SDHAF3: variants seen among roughly 807,000 people sequenced by gnomAD.
SDHAF3 encodes the protein succinate dehydrogenase assembly factor 3, mitochondrial.
Under a neutral mutation model 11.5 loss-of-function variants are expected in SDHAF3, and 18 were observed. The observed-to-expected ratio is 1.56, with a 90% confidence interval of 1.08 to 2.32. SDHAF3 has a LOEUF of 2.32. Among genes scored for constraint, SDHAF3 ranks in the 30% most tolerant of loss-of-function variants. The pLI, the probability that SDHAF3 is intolerant of heterozygous loss-of-function variation, is 0.00. For missense variants in SDHAF3, 200 were observed against 154.4 expected (o/e 1.30, Z -1.57); for synonymous variants, 72 against 59.3 (o/e 1.21, Z -0.99).
chr7:97,132,513 A>G (rs1001991388), intron 1 of SDHAF3, among the ~76,000 whole-genome samples: 18 of 152,184 alleles, frequency 1.2e-4, no homozygotes, highest in African/African-American at 4.3e-4. Context: ...ATGTCTTGTT[A>G]AGCAATGTGA....
At chr7:97,133,341 A>G (rs1316532492) in intron 1 of SDHAF3, among the ~76,000 whole-genome samples, 1 of 152,178 alleles carries the variant, frequency 6.6e-6, no homozygotes, top group African/African-American at 2.4e-5. Context: ...GTGGACCTCT[A>G]TTAAGCTTTC....
At chr7:97,149,442 A>G (rs1215640970) in intron 1 of SDHAF3, among the ~76,000 whole-genome samples, 1 of 152,202 alleles carries the variant, frequency 6.6e-6, no homozygotes, top group African/African-American at 2.4e-5. Flanking sequence ...TTTGTACTAT[A>G]TACTAAATGG....
chr7:97,174,411 G>C (rs554084598), intron 1 of SDHAF3, among the ~76,000 whole-genome samples: 58 of 152,270 alleles, frequency 3.8e-4, no homozygotes, highest in African/African-American at 1.3e-3. Flanking sequence ...AAACTAAGAA[G>C]CTAACATTGA....
chr7:97,167,535 C>T (rs867595999), intron 1 of SDHAF3, among the ~76,000 whole-genome samples: 3 of 152,122 alleles, frequency 2.0e-5, no homozygotes, highest in Non-Finnish European at 2.9e-5. Context: ...TTTATCAAAA[C>T]GGGAATTGCC....
chr7:97,156,566 T>A (rs1789303852), intron 1 of SDHAF3, among the ~76,000 whole-genome samples: 1 of 152,154 alleles, frequency 6.6e-6, no homozygotes, highest in Non-Finnish European at 1.5e-5. Flanking sequence ...TAAATTTAAA[T>A]CCATTTAACT....
chr7:97,176,340 T>A (rs960622550), intron 1 of SDHAF3, among the ~76,000 whole-genome samples: 4 of 152,200 alleles, frequency 2.6e-5, no homozygotes, highest in African/African-American at 9.6e-5. Context: ...TCATAGGGAA[T>A]CTTCTAACTT....
intron 1 of SDHAF3, among the ~76,000 whole-genome samples, chr7:97,140,343 ATTTT>A (rs67929691): frequency 8.9e-6 from 1 of 112,482 alleles, no homozygotes; most frequent in Non-Finnish European, 1.7e-5. Context: ...TTTTGGTAGT[ATTTT>A]TTTTTTTTTT....
At chr7:97,151,522 G>A (rs1231678697) in intron 1 of SDHAF3, among the ~76,000 whole-genome samples, 1 of 132,442 alleles carries the variant, frequency 7.6e-6, no homozygotes, top group East Asian at 2.2e-4. Flanking sequence ...TTTTTGAGTT[G>A]GAGTCTCCCT....
At chr7:97,149,003 C>T (rs1789177005) in intron 1 of SDHAF3, among the ~76,000 whole-genome samples, 1 of 150,824 alleles carries the variant, frequency 6.6e-6, no homozygotes, top group Non-Finnish European at 1.5e-5. Context: ...GATTTTGGCT[C>T]ACTGCAGCCT....
At chr7:97,135,804 C>T (rs1391214300) in intron 1 of SDHAF3, among the ~76,000 whole-genome samples, 1 of 149,988 alleles carries the variant, frequency 6.7e-6, no homozygotes, top group East Asian at 2.0e-4. Context: ...TCTTCTGCCT[C>T]AGCCTCCTGA....
At chr7:97,150,438 T>A (rs915256305) in intron 1 of SDHAF3, among the ~76,000 whole-genome samples, 1 of 152,214 alleles carries the variant, frequency 6.6e-6, no homozygotes, top group East Asian at 1.9e-4. Context: ...TGGGGCTACA[T>A]AATGGTTGTT....
At chr7:97,126,782 G>A (rs1397159626) in intron 1 of SDHAF3, among the ~76,000 whole-genome samples, 1 of 149,296 alleles carries the variant, frequency 6.7e-6, no homozygotes, top group African/African-American at 2.5e-5. Flanking sequence ...CCTGGCTTCA[G>A]CTCCCTTTCC....
At chr7:97,124,527 G>T (rs1791546291) in intron 1 of SDHAF3, among the ~76,000 whole-genome samples, 1 of 152,042 alleles carries the variant, frequency 6.6e-6, no homozygotes, top group African/African-American at 2.4e-5. Flanking sequence ...TTCTAGTTCT[G>T]TGAAGAAAGT....
At chr7:97,177,587 G>C (rs929783857) in intron 1 of SDHAF3, among the ~76,000 whole-genome samples, 2 of 152,156 alleles carry the variant, frequency 1.3e-5, no homozygotes, top group Admixed American at 6.5e-5. Context: ...ACTTACGGTA[G>C]ATCTTTTGGC....
chr7:97,126,941 C>A (rs1214582400), intron 1 of SDHAF3, among the ~76,000 whole-genome samples: 1 of 151,830 alleles, frequency 6.6e-6, no homozygotes, highest in South Asian at 2.1e-4. Flanking sequence ...GGTGTAGACA[C>A]ACGAGGGAAT....
At chr7:97,150,070 A>G (rs1789194643) in intron 1 of SDHAF3, among the ~76,000 whole-genome samples, 1 of 152,264 alleles carries the variant, frequency 6.6e-6, no homozygotes, top group Non-Finnish European at 1.5e-5. Context: ...TCAGCCATTC[A>G]ACTTTTATAA....
intron 1 of SDHAF3, among the ~76,000 whole-genome samples, chr7:97,120,781 A>G (rs1341534237): frequency 2.0e-5 from 3 of 152,178 alleles, no homozygotes; most frequent in Non-Finnish European, 4.4e-5. Flanking sequence ...ATCAGGGGCA[A>G]CGTTGGGTAT....
At chr7:97,169,287 G>C (rs1437601229) in intron 1 of SDHAF3, among the ~76,000 whole-genome samples, 1 of 150,892 alleles carries the variant, frequency 6.6e-6, no homozygotes, top group African/African-American at 2.4e-5. Context: ...TCCAGCCTGG[G>C]CAACAAGAGC....
At chr7:97,175,633 A>G (rs1789668303) in intron 1 of SDHAF3, among the ~76,000 whole-genome samples, 1 of 152,218 alleles carries the variant, frequency 6.6e-6, no homozygotes. Context: ...GACTATAAGC[A>G]AGTTTAATAT....
Sources: allele counts gnomAD v4.1 joint callset (sites outside exome capture counted in the v4.1 genomes callset), GRCh38; gene constraint gnomAD v4.1.1; transcripts MANE v1.5; gene names NCBI Gene and HGNC (gene_info 2026-07-23, HGNC 2026-07-21).